The following ANKRD26 variants were observed in gnomAD, a reference collection of about 807,000 sequenced individuals.
ANKRD26 encodes the protein ankyrin repeat domain-containing protein 26.
A neutral mutation model predicts 208.7 loss-of-function variants in ANKRD26; 141 were observed. That is an observed-to-expected ratio of 0.68 (90% CI 0.59 to 0.78). The LOEUF (loss-of-function observed/expected upper bound fraction) is 0.78, where lower values mean the gene tolerates loss of function less well. ANKRD26 is among the 30% of genes least tolerant of loss of function. The pLI is 0.00. For missense variants in ANKRD26, 1,889 were observed against 1,938.7 expected (o/e 0.97, Z 0.48); for synonymous variants, 636 against 660.4 (o/e 0.96, Z 0.57).
intron 15 of ANKRD26, among the ~76,000 whole-genome samples, chr10:27,053,832 G>A (rs1048506016): frequency 5.9e-5 from 9 of 152,038 alleles, no homozygotes; most frequent in African/African-American, 1.4e-4. Context: ...TGATACAGTA[G>A]GAATATATAA....
At chr10:27,044,102 C>A in intron 19 of ANKRD26, 55 bp downstream of exon 19, 1 of 1,239,750 alleles carries the variant, frequency 8.1e-7, no homozygotes, top group South Asian at 1.4e-5. Flanking sequence ...CCCACTTTAT[C>A]TTTTATAATG....
chr10:27,019,797 A>C (rs948786196), intron 29 of ANKRD26, among the ~76,000 whole-genome samples: 3 of 152,164 alleles, frequency 2.0e-5, no homozygotes, highest in African/African-American at 4.8e-5. Context: ...CTCTTTTTGT[A>C]AAATACATTT....
chr10:27,031,471 G>C (rs777653428), intron 25 of ANKRD26, among the ~76,000 whole-genome samples: 1 of 152,192 alleles, frequency 6.6e-6, no homozygotes, highest in Non-Finnish European at 1.5e-5. Context: ...TATATGAAAT[G>C]TTCAGAACAG....
chr10:26,972,218 G>A (rs2052160034), downstream of ANKRD26, among the ~76,000 whole-genome samples: 3 of 145,314 alleles, frequency 2.1e-5, no homozygotes, highest in South Asian at 6.4e-4. Context: ...CTGGGCGACA[G>A]AGCGAGACTC....
intron 1 of ANKRD26, among the ~76,000 whole-genome samples, chr10:27,096,791 A>AG (rs2056481632): frequency 6.6e-6 from 1 of 151,692 alleles, no homozygotes; most frequent in Non-Finnish European, 1.5e-5. Context: ...AGAAAAAAAA[A>AG]TCAGCTCTGC....
chr10:26,991,219 G>A (rs2052480354), downstream of ANKRD26, among the ~76,000 whole-genome samples: 1 of 152,150 alleles, frequency 6.6e-6, no homozygotes, highest in Non-Finnish European at 1.5e-5. Flanking sequence ...GCACCAATAG[G>A]AGAGTTGCTG....
Position 27,014,479 on chromosome 10 carries a change from T to C in ANKRD26, c.4724+15A>G. On this transcript the variant is annotated intron_variant, in intron 31 of 33. Transcript: ENST00000376087. Reference sequence around the variant, plus strand: ...GAGCTTAATTTATTTCCTATGATTCTATATTTTGACTTACTTGGTTAGTTT... The same window carrying C: ...GAGCTTAATTTATTTCCTATGATTCCATATTTTGACTTACTTGGTTAGTTT... 6.6e-7 allele frequency: 1 copy of C among 1,510,598 alleles called. No homozygotes were observed. The highest frequency in any genetic ancestry group is 9.1e-7 in the Non-Finnish European group (1 of 1,093,022). The allele number at this position is 1,510,598 out of a possible 1,614,324, so 93.6% of individuals were successfully genotyped here. A position where few individuals can be genotyped will look rare whatever the true frequency, so the allele number is the denominator to read the frequency against.
At chr10:27,055,396 C>T (rs1433439295) in intron 15 of ANKRD26, among the ~76,000 whole-genome samples, 1 of 152,128 alleles carries the variant, frequency 6.6e-6, no homozygotes, top group Non-Finnish European at 1.5e-5. Flanking sequence ...AGCTTGCAGT[C>T]ACTACTCTAG....
the ANKRD26 span, among the ~76,000 whole-genome samples, chr10:26,958,554 A>C: frequency 6.6e-6 from 1 of 152,160 alleles, no homozygotes; most frequent in South Asian, 2.1e-4. Context: ...ATAACTGAGA[A>C]GGTGCGGTCT....
chr10:26,987,247 A>G (rs1232075760), downstream of ANKRD26, among the ~76,000 whole-genome samples: 2 of 152,012 alleles, frequency 1.3e-5, no homozygotes, highest in African/African-American at 4.8e-5. Flanking sequence ...ACATGGACAC[A>G]GGAAGGGGAA....
intron 15 of ANKRD26, 100 bp downstream of exon 15, chr10:27,060,245 G>GA: frequency 8.4e-7 from 1 of 1,196,968 alleles, no homozygotes; most frequent in Non-Finnish European, 1.2e-6. Context: ...CAAATTTGGA[G>GA]AAAAAAAGAA....
At chr10:27,062,940 G>A (rs2055114522) in intron 12 of ANKRD26, among the ~76,000 whole-genome samples, 1 of 152,054 alleles carries the variant, frequency 6.6e-6, no homozygotes, top group Non-Finnish European at 1.5e-5. Context: ...GCTAATGTTT[G>A]TATTTTTAGT....
At chr10:27,013,151 T>C in intron 31 of ANKRD26, 41 bp from the exon 32 acceptor site, 3 of 1,561,596 alleles carry the variant, frequency 1.9e-6, no homozygotes, top group South Asian at 1.1e-5. Flanking sequence ...TATTTTACTT[T>C]TCCCTAAATG....
At chr10:26,977,523 T>C (rs1315075651) in intron 5 of ANKRD26, among the ~76,000 whole-genome samples, 1 of 152,190 alleles carries the variant, frequency 6.6e-6, no homozygotes, top group Admixed American at 6.5e-5. Flanking sequence ...TTTTGTAGCA[T>C]ACACACACAA....
chr10:27,035,998 A>G (rs2054031428), intron 23 of ANKRD26, among the ~76,000 whole-genome samples: 1 of 152,114 alleles, frequency 6.6e-6, no homozygotes, highest in Non-Finnish European at 1.5e-5. Context: ...AAAATTTTTA[A>G]GAATCACAGA....
intron 5 of ANKRD26, among the ~76,000 whole-genome samples, chr10:26,978,014 G>C (rs2052252261): frequency 6.6e-6 from 1 of 152,172 alleles, no homozygotes; most frequent in South Asian, 2.1e-4. Flanking sequence ...TTGCAAAGCT[G>C]TCTCTACAGT....
At position 27,026,284 on chromosome 10, in the gene ANKRD26, C is replaced by T. The variant is rs150655661; in HGVS notation, c.3973-1725G>A. ...TTTCTATGGGAATCTACAGAAAATC[C>T]CCCATTATTTTTGAATAAGCTTAGC... is the stretch of plus-strand genomic sequence containing the variant. On this transcript the variant is annotated intron_variant, in intron 27 of 33. Coordinates refer to ENST00000376087, the MANE Select transcript of ANKRD26 (RefSeq NM_014915.3). Among the ~76,000 whole-genome samples the T allele has an allele frequency of 4.0e-3, 606 of 152,176 alleles. 1 individual carries two copies. Among genetic ancestry groups the T allele is most frequent in the Non-Finnish European group, 6.6e-3 (446 of 68,006 alleles).
At chr10:27,099,606 C>T (rs2056581885) in intron 1 of ANKRD26, among the ~76,000 whole-genome samples, 1 of 148,300 alleles carries the variant, frequency 6.7e-6, no homozygotes, top group Non-Finnish European at 1.5e-5. Context: ...GCCTTGAACT[C>T]CTGGCCTCAA....
intron 1 of ANKRD26, among the ~76,000 whole-genome samples, chr10:27,099,152 A>G (rs897226120): frequency 2.0e-5 from 3 of 151,844 alleles, no homozygotes; most frequent in Admixed American, 6.6e-5. Context: ...CACCATGCCT[A>G]GCTAATTTTT....
Sources: allele counts gnomAD v4.1 joint callset (sites outside exome capture counted in the v4.1 genomes callset), GRCh38; gene constraint gnomAD v4.1.1; transcripts MANE v1.5; gene names NCBI Gene and HGNC (gene_info 2026-07-23, HGNC 2026-07-21).